Variants in DPP10 observed in about 807,000 individuals in gnomAD.
DPP10 encodes dipeptidyl peptidase like 10.
DPP10 carries 33 observed loss-of-function variants against 120.9 expected under a neutral mutation model. The observed-to-expected ratio is 0.27, with a 90% CI of 0.21 to 0.37. The LOEUF (loss-of-function observed/expected upper bound fraction) is 0.37, where lower values mean the gene tolerates loss of function less well. DPP10 is among the 10% of genes least tolerant of loss of function. The pLI, the probability that DPP10 is intolerant of heterozygous loss-of-function variation, is 1.00. For missense variants in DPP10, 816 were observed against 942.8 expected (o/e 0.87, Z 1.76); for synonymous variants, 337 against 326.1 (o/e 1.03, Z -0.36).
intron 1 of DPP10, among the ~76,000 whole-genome samples, chr2:114,776,140 G>T (rs1681715600): frequency 6.6e-6 from 1 of 152,162 alleles, no homozygotes; most frequent in Non-Finnish European, 1.5e-5. Flanking sequence ...AAAATAAAGA[G>T]ACAAAGTGTT....
At chr2:114,953,628 G>C (rs1697961974) in intron 1 of DPP10, among the ~76,000 whole-genome samples, 1 of 152,072 alleles carries the variant, frequency 6.6e-6, no homozygotes, top group African/African-American at 2.4e-5. Flanking sequence ...TGAGTATCCT[G>C]TTACAGCATG....
At chr2:115,168,582 C>T (rs180807359) in intron 1 of DPP10, among the ~76,000 whole-genome samples, 4 of 152,282 alleles carry the variant, frequency 2.6e-5, no homozygotes, top group Admixed American at 6.5e-5. Flanking sequence ...AATAACCAAT[C>T]TCTGTTTATT....
chr2:115,843,618 G>A lies in DPP10; in HGVS notation c.*1273G>A, dbSNP rs1690365902. On this transcript the variant is annotated 3_prime_UTR_variant, in exon 26 of 26. Coordinates refer to ENST00000410059, the MANE Select transcript of DPP10 (RefSeq NM_020868.6). Reference sequence around the variant, plus strand: ...GTTTGCTATTTACTTTGAATTGAAGGCACAAAATGCATCAATTCCTGTGCT... The same window carrying A: ...GTTTGCTATTTACTTTGAATTGAAGACACAAAATGCATCAATTCCTGTGCT... 6.6e-6 allele frequency: 1 copy of A among 152,106 alleles called. No individual in the cohort carries two copies. The highest frequency in any genetic ancestry group is 2.4e-5 in the African/African-American group (1 of 41,444). The allele number at this position is 152,106 out of a possible 1,614,324, so 9.4% of individuals were successfully genotyped here. A position where few individuals can be genotyped will look rare whatever the true frequency, so the allele number is the denominator to read the frequency against.
chr2:115,199,416 C>G (rs977280880), intron 1 of DPP10, among the ~76,000 whole-genome samples: 1 of 151,990 alleles, frequency 6.6e-6, no homozygotes, highest in East Asian at 1.9e-4. Flanking sequence ...AAGCACTCGG[C>G]ATGAAATATA....
chr2:114,743,404 A>G (rs1221853539), intron 1 of DPP10, among the ~76,000 whole-genome samples: 1 of 118,400 alleles, frequency 8.4e-6, no homozygotes, highest in Non-Finnish European at 1.7e-5. Context: ...TCATATCCAT[A>G]CCCTTGCATG....
chr2:115,616,629 T>C (rs2084524121), intron 5 of DPP10, among the ~76,000 whole-genome samples: 1 of 152,158 alleles, frequency 6.6e-6, no homozygotes, highest in African/African-American at 2.4e-5. Context: ...TGGTAGCTTT[T>C]GACAAAGTTG....
chr2:115,330,673 A>T (rs1466894373), intron 2 of DPP10, among the ~76,000 whole-genome samples: 2 of 151,808 alleles, frequency 1.3e-5, no homozygotes, highest in Non-Finnish European at 2.9e-5. Flanking sequence ...TTTTCCCAGC[A>T]CCATTTATTA....
At chr2:115,290,380 G>C (rs974293049) in intron 1 of DPP10, among the ~76,000 whole-genome samples, 1 of 152,066 alleles carries the variant, frequency 6.6e-6, no homozygotes, top group Non-Finnish European at 1.5e-5. Flanking sequence ...TGGATTAATG[G>C]ATGATAGAGG....
chr2:115,238,311 C>T (rs1035111640), intron 1 of DPP10, among the ~76,000 whole-genome samples: 7 of 152,134 alleles, frequency 4.6e-5, no homozygotes, highest in Non-Finnish European at 7.4e-5. Flanking sequence ...TTTAAGCCCA[C>T]GATTGAAACC....
rs76828060 is a variant in DPP10, at chr2:115,594,010, A to G, written c.441+68038A>G. Among the ~76,000 whole-genome samples the G allele has an allele frequency of 1.4e-4, 21 of 152,260 alleles. No individual in the cohort carries two copies. The East Asian group carries it at 4.1e-3, about 29-fold the overall frequency. On this transcript the variant is annotated intron_variant, in intron 5 of 25. Transcript: ENST00000410059. ...TCCTCTCTTCTTGAAGTCCTCAAAA[A>G]ACTTGAGATTCTTAGGCCTGTCAGA... is the stretch of plus-strand genomic sequence containing the variant.
chr2:115,261,446 C>T (rs1010239155), intron 1 of DPP10, among the ~76,000 whole-genome samples: 44 of 152,156 alleles, frequency 2.9e-4, no homozygotes, highest in African/African-American at 1.0e-3. Flanking sequence ...GCCTTGGCAT[C>T]GTGAGGAATT....
At chr2:114,949,899 G>A (rs1462195843) in intron 1 of DPP10, among the ~76,000 whole-genome samples, 1 of 152,034 alleles carries the variant, frequency 6.6e-6, no homozygotes, top group Admixed American at 6.6e-5. Context: ...TTTTAATTTA[G>A]TAACTAGAAC....
intron 5 of DPP10, among the ~76,000 whole-genome samples, chr2:115,618,659 T>A (rs2084707470): frequency 6.6e-6 from 1 of 152,174 alleles, no homozygotes; most frequent in Non-Finnish European, 1.5e-5. Context: ...CAAATCCGTT[T>A]ATATGATTTC....
At chr2:115,451,090 G>GTGTT (rs747588825) in intron 3 of DPP10, among the ~76,000 whole-genome samples, 3 of 151,918 alleles carry the variant, frequency 2.0e-5, no homozygotes, top group Middle Eastern at 3.4e-3. Context: ...TCCAAAGCCA[G>GTGTT]TGTTTGTTTG....
rs551234219 is a variant in DPP10, at chr2:115,312,990, G to A, written c.175+3637G>A. ...TATAATCCCAGCACTTTGGGAGGCC[G>A]AGGTGGGAGGATCACGAGGTCTGGA... On this transcript the variant is annotated intron_variant, in intron 2 of 25. Coordinates refer to ENST00000410059, the MANE Select transcript of DPP10 (RefSeq NM_020868.6). Among the ~76,000 whole-genome samples the A allele has an allele frequency of 2.2e-4, 33 of 152,194 alleles. No individual in the cohort carries two copies. In the South Asian group the frequency reaches 5.4e-3, roughly 25 times the overall value.
chr2:114,850,540 A>G (rs1320261938), intron 1 of DPP10, among the ~76,000 whole-genome samples: 1 of 152,148 alleles, frequency 6.6e-6, no homozygotes, highest in Non-Finnish European at 1.5e-5. Context: ...GCATTTTATT[A>G]TTCCCAATCA....
intron 21 of DPP10, among the ~76,000 whole-genome samples, chr2:115,826,330 A>G (rs964658376): frequency 6.6e-6 from 1 of 152,120 alleles, no homozygotes; most frequent in African/African-American, 2.4e-5. Flanking sequence ...CAGTTCTATC[A>G]GTTTTGGCTT....
At chr2:115,039,606 T>G (rs567638712) in intron 1 of DPP10, among the ~76,000 whole-genome samples, 16 of 152,158 alleles carry the variant, frequency 1.1e-4, no homozygotes, top group Non-Finnish European at 2.4e-4. Flanking sequence ...GACATTATTC[T>G]TGCAGAGCAG....
At chr2:114,855,404 C>T (rs1264525193) in intron 1 of DPP10, among the ~76,000 whole-genome samples, 10 of 152,248 alleles carry the variant, frequency 6.6e-5, no homozygotes, top group African/African-American at 2.4e-4. Context: ...CCACTTAAGA[C>T]ATATTCTTAT....
Sources: allele counts gnomAD v4.1 joint callset (sites outside exome capture counted in the v4.1 genomes callset), GRCh38; gene constraint gnomAD v4.1.1; transcripts MANE v1.5; gene names NCBI Gene and HGNC (gene_info 2026-07-23, HGNC 2026-07-21).